The following ACYP2 variants were observed in gnomAD, a reference collection of about 807,000 sequenced individuals.
ACYP2 encodes the protein acylphosphatase 2.
Under a neutral mutation model 11.2 loss-of-function variants are expected in ACYP2, and 12 were observed. The ratio of observed to expected loss-of-function variants is 1.08; its 90% CI spans 0.69 to 1.74. The LOEUF (loss-of-function observed/expected upper bound fraction) is 1.74, where lower values mean the gene tolerates loss of function less well. Ranked by LOEUF, ACYP2 falls within the 40% of genes most tolerant of loss-of-function variation. The pLI is 0.00. For synonymous variants in ACYP2, 43 were observed against 32.2 expected, an observed-to-expected ratio of 1.33 and a Z score of -1.13; for missense variants, 134 against 101.9, an observed-to-expected ratio of 1.31 and a Z score of -1.35.
intron 6 of ACYP2, chr2:54,254,758 A>G: frequency 3.0e-6 from 2 of 662,536 alleles, no homozygotes; most frequent in African/African-American, 1.8e-5. Context: ...CACAGCCACC[A>G]AGGTCTCAAT....
chr2:54,198,260 C>T (rs2103901759), intron 6 of ACYP2, among the ~76,000 whole-genome samples: 1 of 152,294 alleles, frequency 6.6e-6, no homozygotes, highest in East Asian at 1.9e-4. Context: ...GGTGATCCAC[C>T]TGCCTCGGCC....
At chr2:54,103,122 A>G (rs1348142623) in intron 4 of ACYP2, among the ~76,000 whole-genome samples, 1 of 152,148 alleles carries the variant, frequency 6.6e-6, no homozygotes, top group African/African-American at 2.4e-5. Context: ...AAAAGACAAA[A>G]AAAGAGTGGA....
intron 6 of ACYP2, among the ~76,000 whole-genome samples, chr2:54,227,537 G>C (rs944131593): frequency 1.9e-4 from 29 of 152,128 alleles, no homozygotes; most frequent in African/African-American, 7.0e-4. Flanking sequence ...CTACTTGGGA[G>C]GCTGAGGCAG....
At chr2:54,014,829 G>C (rs1673591568) in intron 2 of ACYP2, among the ~76,000 whole-genome samples, 1 of 151,574 alleles carries the variant, frequency 6.6e-6, no homozygotes, top group Admixed American at 6.6e-5. Context: ...GTGCAATCAT[G>C]GCTTACAGCA....
At chr2:54,256,153 T>C (rs1275668545) in intron 6 of ACYP2, 2 of 1,608,930 alleles carry the variant, frequency 1.2e-6, no homozygotes, top group Non-Finnish European at 1.7e-6. Context: ...GAGGCTCATG[T>C]TGGTAGCGGC....
At chr2:54,123,802 G>A (rs895406305) in intron 4 of ACYP2, among the ~76,000 whole-genome samples, 5 of 152,152 alleles carry the variant, frequency 3.3e-5, no homozygotes, top group Non-Finnish European at 5.9e-5. Flanking sequence ...CCGACATGGA[G>A]AAACCACTAA....
chr2:54,100,877 A>T (rs532783322), intron 4 of ACYP2, among the ~76,000 whole-genome samples: 1 of 152,186 alleles, frequency 6.6e-6, no homozygotes, highest in Non-Finnish European at 1.5e-5. Flanking sequence ...CACTTAATAA[A>T]ATGTCTTGAA....
At chr2:53,996,493 C>T (rs1302170728) in intron 2 of ACYP2, among the ~76,000 whole-genome samples, 1 of 152,124 alleles carries the variant, frequency 6.6e-6, no homozygotes, top group African/African-American at 2.4e-5. Flanking sequence ...TCTCAGCCTA[C>T]TTAATGGGGA....
intron 2 of ACYP2, among the ~76,000 whole-genome samples, chr2:53,974,320 C>G (rs1671357394): frequency 6.6e-6 from 1 of 152,118 alleles, no homozygotes; most frequent in South Asian, 2.1e-4. Context: ...AGTCATTGAC[C>G]TTTAGAAGCA....
chr2:54,033,355 G>T (rs1674695049), intron 2 of ACYP2, among the ~76,000 whole-genome samples: 1 of 151,702 alleles, frequency 6.6e-6, no homozygotes, highest in Non-Finnish European at 1.5e-5. Flanking sequence ...GTGCCACCAT[G>T]CCTAGCTAAT....
chr2:54,097,986 G>T (rs1572747589), intron 4 of ACYP2, among the ~76,000 whole-genome samples: 2 of 124,772 alleles, frequency 1.6e-5, no homozygotes. Context: ...TTTTTGAGGT[G>T]GAGTCTCCCT....
intron 6 of ACYP2, among the ~76,000 whole-genome samples, chr2:54,151,660 T>G (rs969341001): frequency 2.6e-5 from 4 of 152,304 alleles, no homozygotes; most frequent in Non-Finnish European, 5.9e-5. Flanking sequence ...AGAGTTGGAA[T>G]TCTAACACCA....
chr2:54,013,746 G>T lies in ACYP2; in HGVS notation c.63-37212G>T, dbSNP rs111936939. On this transcript the variant is annotated intron_variant, in intron 2 of 6. Coordinates refer to ENST00000607452, the MANE Select transcript of ACYP2 (RefSeq NM_001320586.2). ...AGAAAAAAGAAAAAAAAAAAAAAGA[G>T]AGAGAGAGGTGAGTGAATTCAGTTA... Among the ~76,000 whole-genome samples, 29 of 150,278 alleles carry T rather than the reference G, an allele frequency of 1.9e-4. 1 individual carries two copies. The highest frequency in any genetic ancestry group is 6.9e-4 in the African/African-American group (28 of 40,692).
At chr2:53,973,855 A>ATGTGTGTG (rs573137716) in intron 2 of ACYP2, 70 of 124,436 alleles carry the variant, frequency 5.6e-4, no homozygotes, top group Admixed American at 1.3e-3. Context: ...GGATATATAT[A>ATGTGTGTG]TGTGTGTGTG....
chr2:54,075,216 AG>A (rs1677263487), intron 4 of ACYP2, among the ~76,000 whole-genome samples: 1 of 152,218 alleles, frequency 6.6e-6, no homozygotes, highest in South Asian at 2.1e-4. Context: ...AATTCCTAAT[AG>A]GCCAGGAACA....
At chr2:54,201,393 C>T (rs1292462962) in intron 6 of ACYP2, among the ~76,000 whole-genome samples, 1 of 152,172 alleles carries the variant, frequency 6.6e-6, no homozygotes, top group African/African-American at 2.4e-5. Context: ...GCGTGAGCCA[C>T]CACGCCTGGC....
intron 2 of ACYP2, among the ~76,000 whole-genome samples, chr2:54,019,300 A>G (rs1209365190): frequency 2.0e-5 from 3 of 151,792 alleles, no homozygotes; most frequent in African/African-American, 4.8e-5. Flanking sequence ...TTGAGCTGCT[A>G]TCTTCAAGTT....
intron 6 of ACYP2, among the ~76,000 whole-genome samples, chr2:54,164,902 C>T (rs760566028): frequency 7.2e-5 from 11 of 152,108 alleles, no homozygotes; most frequent in Non-Finnish European, 1.3e-4. Flanking sequence ...TGATGTTCCC[C>T]TCCCTGTGTC....
At chr2:54,085,955 A>T (rs1436933405) in intron 4 of ACYP2, among the ~76,000 whole-genome samples, 6 of 151,716 alleles carry the variant, frequency 4.0e-5, no homozygotes, top group African/African-American at 1.2e-4. Context: ...TTTTATTTTT[A>T]TTTTTTTGAG....
Sources: gnomAD v4.1 joint callset for allele counts (sites outside exome capture counted in the v4.1 genomes callset) on GRCh38, gnomAD v4.1.1 for gene constraint, MANE v1.5 for transcripts, NCBI Gene and HGNC (gene_info 2026-07-23, HGNC 2026-07-21) for gene names.